The following TUT4 variants were observed in gnomAD, a reference collection of about 807,000 sequenced individuals.
The protein encoded by TUT4 is terminal uridylyl transferase 4.
A neutral mutation model predicts 192.2 loss-of-function variants in TUT4; 36 were observed. The ratio of observed to expected loss-of-function variants is 0.19; its 90% CI spans 0.14 to 0.25. The LOEUF (loss-of-function observed/expected upper bound fraction) is 0.25. TUT4 is among the 10% of genes least tolerant of loss of function. The pLI is 1.00. For missense variants in TUT4, 1,493 were observed against 1,957.2 expected, an observed-to-expected ratio of 0.76 and a Z score of 4.47; for synonymous variants, 618 against 666.0, an observed-to-expected ratio of 0.93 and a Z score of 1.11.
At position 52,446,383 on chromosome 1, in the gene TUT4, T is replaced by A. The variant is rs1277872811; in HGVS notation, c.3573A>T (p.Gly1191=). 6.2e-7 allele frequency: 1 copy of A among 1,613,434 alleles called. No individual in the cohort carries two copies. The highest frequency in any genetic ancestry group is 8.5e-7 in the Non-Finnish European group (1 of 1,179,838). The change falls in exon 22 of 30, where the codon GGA becomes GGT. Residue 1191 remains glycine, a synonymous_variant. Transcript: ENST00000257177. ...ACTCTTCAGTATAGAAACGAAGCAG[T>A]CCCAGCCAAAGCTCCCCTAATGATT... ...NTESLGELWL[G]LLRFYTEEFD...
At chr1:52,508,396 T>C (rs1222083486) in intron 4 of TUT4, among the ~76,000 whole-genome samples, 1 of 152,108 alleles carries the variant, frequency 6.6e-6, no homozygotes, top group Non-Finnish European at 1.5e-5. Context: ...AGGCATCTTC[T>C]GACATTTCTG....
chr1:52,510,682 T>C (rs1440440737), intron 3 of TUT4, among the ~76,000 whole-genome samples: 2 of 152,252 alleles, frequency 1.3e-5, no homozygotes, highest in South Asian at 2.1e-4. Flanking sequence ...ATACTTGTTA[T>C]GTGCCAGGCA....
intron 20 of TUT4, among the ~76,000 whole-genome samples, chr1:52,454,563 C>T (rs1007537892): frequency 1.3e-5 from 2 of 152,142 alleles, no homozygotes; most frequent in Non-Finnish European, 2.9e-5. Context: ...TTATACCGTT[C>T]ACAAAAATTA....
At chr1:52,517,952 A>C (rs1017104471) in intron 2 of TUT4, among the ~76,000 whole-genome samples, 1 of 152,236 alleles carries the variant, frequency 6.6e-6, no homozygotes, top group Non-Finnish European at 1.5e-5. Flanking sequence ...AACACAAAGA[A>C]TTAGAGAAAG....
chr1:52,457,527 C>G lies in TUT4; in HGVS notation c.3435+809G>C, dbSNP rs535268037. Among the ~76,000 whole-genome samples, 13 of 152,310 alleles carry G rather than the reference C, an allele frequency of 8.5e-5. No homozygotes were observed. In the South Asian group the frequency reaches 2.7e-3, roughly 32 times the overall value. On this transcript the variant is annotated intron_variant, in intron 20 of 29. Transcript: ENST00000257177. Reference sequence around the variant, plus strand: ...GGGATTACAGGCGTGAGCCACCACGCCCAGCCTATTTTGTGATTTTCTTCT... The same window carrying G: ...GGGATTACAGGCGTGAGCCACCACGGCCAGCCTATTTTGTGATTTTCTTCT...
intron 4 of TUT4, among the ~76,000 whole-genome samples, chr1:52,497,666 C>T (rs868415075): frequency 1.1e-4 from 17 of 152,160 alleles, no homozygotes; most frequent in Admixed American, 2.6e-4. Context: ...TTCAAAAAAC[C>T]TCTATTCTGC....
At chr1:52,541,252 G>T (rs1360266327) in intron 1 of TUT4, among the ~76,000 whole-genome samples, 1 of 148,984 alleles carries the variant, frequency 6.7e-6, no homozygotes, top group African/African-American at 2.5e-5. Context: ...TCTACATCAG[G>T]CTGGGCACGG....
chr1:52,455,913 A>G (rs1340590526), intron 20 of TUT4, among the ~76,000 whole-genome samples: 2 of 152,226 alleles, frequency 1.3e-5, no homozygotes. Context: ...ACATACTCGT[A>G]CATATGATTC....
intron 13 of TUT4, among the ~76,000 whole-genome samples, chr1:52,474,005 G>A (rs970929460): frequency 1.3e-5 from 2 of 152,134 alleles, no homozygotes; most frequent in African/African-American, 2.4e-5. Context: ...TCACAAGTTC[G>A]AGACCAGCCT....
At chr1:52,451,568 G>T (rs531665067) in intron 20 of TUT4, among the ~76,000 whole-genome samples, 8 of 152,236 alleles carry the variant, frequency 5.3e-5, no homozygotes, top group African/African-American at 1.9e-4. Context: ...CCAGCCAGGG[G>T]CGGTGGCTCA....
intron 4 of TUT4, among the ~76,000 whole-genome samples, chr1:52,498,952 A>C (rs1673331362): frequency 1.2e-5 from 1 of 86,412 alleles, no homozygotes; most frequent in African/African-American, 4.7e-5. Flanking sequence ...ATATATATAT[A>C]TATATATGAC....
intron 4 of TUT4, among the ~76,000 whole-genome samples, chr1:52,508,018 G>A (rs1436250251): frequency 1.3e-5 from 2 of 151,998 alleles, no homozygotes; most frequent in East Asian, 3.9e-4. Flanking sequence ...TTGCCACGTT[G>A]CCCAGGCTGG....
intron 3 of TUT4, among the ~76,000 whole-genome samples, chr1:52,512,927 C>A (rs1677605746): frequency 6.6e-6 from 1 of 151,732 alleles, no homozygotes; most frequent in African/African-American, 2.4e-5. Context: ...TGGGAATATT[C>A]TTAATGAGTG....
In TUT4 at chr1:52,423,774, C is replaced by T. The variant is rs552652996; in HGVS notation, c.*161G>A. 64 of 1,495,670 alleles carry T rather than the reference C, an allele frequency of 4.3e-5. No homozygotes were observed. The highest frequency in any genetic ancestry group is 1.7e-4 in the East Asian group (7 of 40,142). 92.6% of individuals were successfully genotyped at this position (1,495,670 alleles called of 1,614,324 possible). ...TTAGAATTTAAATAAGCTATCTAAA[C>T]GTGTTAAAATTTTAAATCAGGACCT... On this transcript the variant is annotated 3_prime_UTR_variant, in exon 30 of 30. Coordinates refer to ENST00000257177, the MANE Select transcript of TUT4 (RefSeq NM_001009881.3).
chr1:52,511,947 T>G (rs750414667), intron 3 of TUT4, among the ~76,000 whole-genome samples: 1 of 152,156 alleles, frequency 6.6e-6, no homozygotes, highest in Non-Finnish European at 1.5e-5. Context: ...TATGTTGGCT[T>G]AGTTCAAGGT....
intron 8 of TUT4, among the ~76,000 whole-genome samples, chr1:52,489,603 A>G (rs1670638609): frequency 6.6e-6 from 1 of 152,226 alleles, no homozygotes; most frequent in Non-Finnish European, 1.5e-5. Flanking sequence ...AATAGCAGCA[A>G]CCTTAAATGG....
In TUT4 at chr1:52,505,154, T is replaced by C. The variant is rs965473212; in HGVS notation, c.999+4442A>G. Among the ~76,000 whole-genome samples the C allele has an allele frequency of 4.6e-5, 7 of 152,206 alleles. No homozygotes were observed. In the East Asian group the frequency reaches 1.3e-3, roughly 29 times the overall value. ...TTTTTAATTTGTTGAAGAACCACCG[T>C]ACTCTTTTCCATGGCAGCTACACTA... On this transcript the variant is annotated intron_variant, in intron 4 of 29. Transcript: ENST00000257177.
chr1:52,446,465 A>C, intron 21 of TUT4, 23 bp from the exon 22 acceptor site: 3 of 1,576,296 alleles, frequency 1.9e-6, no homozygotes, highest in Admixed American at 2.1e-5. Context: ...AAAAAAAGAA[A>C]AGAACAATGT....
chr1:52,429,754 G>A (rs1474313068), intron 28 of TUT4, among the ~76,000 whole-genome samples: 4 of 151,478 alleles, frequency 2.6e-5, no homozygotes, highest in Admixed American at 6.6e-5. Flanking sequence ...CACCACACCC[G>A]GCTAATTTTT....
Sources: allele counts gnomAD v4.1 joint callset (sites outside exome capture counted in the v4.1 genomes callset), GRCh38; gene constraint gnomAD v4.1.1; transcripts MANE v1.5; gene names NCBI Gene and HGNC (gene_info 2026-07-23, HGNC 2026-07-21).